Variants in GSTO2 observed in about 807,000 individuals in gnomAD.
The protein encoded by GSTO2 is glutathione S-transferase omega-2.
Under a neutral mutation model 28.4 loss-of-function variants are expected in GSTO2, and 23 were observed. That is an observed-to-expected ratio of 0.81 (90% CI 0.58 to 1.15). The LOEUF is 1.15. Among genes scored for constraint, GSTO2 ranks in the 50% most tolerant of loss-of-function variants. The probability of loss-of-function intolerance (pLI) is 0.00; values close to 1 mark genes in which losing one functional copy is unlikely to be tolerated. For missense variants in GSTO2, 298 were observed against 297.8 expected, an observed-to-expected ratio of 1.00 and a Z score of 0.00; for synonymous variants, 109 against 111.0, an observed-to-expected ratio of 0.98 and a Z score of 0.11.
At chr10:104,298,442 C>G (rs1162599568) in intron 6 of GSTO2, among the ~76,000 whole-genome samples, 1 of 152,232 alleles carries the variant, frequency 6.6e-6, no homozygotes, top group Admixed American at 6.5e-5. Context: ...GACTTCAGCT[C>G]TCTTTGTCAG....
At chr10:104,297,935 G>A (rs1270235400) in intron 6 of GSTO2, among the ~76,000 whole-genome samples, 1 of 152,124 alleles carries the variant, frequency 6.6e-6, no homozygotes, top group African/African-American at 2.4e-5. Context: ...TTCAGAGCCT[G>A]CTGTCCTCAC....
chr10:104,279,708 C>T (rs2011901675), intron 5 of GSTO2, among the ~76,000 whole-genome samples: 1 of 152,164 alleles, frequency 6.6e-6, no homozygotes, highest in Non-Finnish European at 1.5e-5. Flanking sequence ...CCCAGAGTCA[C>T]CCCATCTCCC....
intron 5 of GSTO2, among the ~76,000 whole-genome samples, chr10:104,284,786 C>T (rs2012314647): frequency 6.6e-6 from 1 of 152,198 alleles, no homozygotes; most frequent in Admixed American, 6.5e-5. Context: ...GTAGTCAAAT[C>T]AAGTCCAAGT....
rs1290256475 is a variant in GSTO2 at position 104,302,748 on chromosome 10, G to A, written c.*3464G>A. ...GTGCTGTTCTCATGATAGTGAGTGA[G>A]TTCTCATGAGTTCTGGTTGTTTAAA... On this transcript the variant is annotated 3_prime_UTR_variant, in exon 7 of 7. Transcript: ENST00000338595. 6.6e-6 allele frequency: 1 copy of A among 152,136 alleles called. No individual in the cohort carries two copies. Among genetic ancestry groups the A allele is most frequent in the Non-Finnish European group, 1.5e-5 (1 of 68,028 alleles). The allele number at this position is 152,136 out of a possible 1,614,324, so 9.4% of individuals were successfully genotyped here.
rs188916112 is a variant in GSTO2 at position 104,287,910 on chromosome 10, C to T, written c.468+8439C>T. ...CACTTTTTTTTTTTTTTTTTTGGGA[C>T]GGAGTCTCGCTCTGTCGCCCAGGCT... On this transcript the variant is annotated intron_variant, in intron 5 of 6. Transcript: ENST00000338595. Among the ~76,000 whole-genome samples, 1,168 of 120,946 alleles carry T rather than the reference C, an allele frequency of 9.7e-3. 73 individuals are homozygous for T. The highest frequency in any genetic ancestry group is 0.094 in the Admixed American group (1,055 of 11,258). The allele number at this position is 120,946 out of a possible 152,430, so 79.3% of individuals were successfully genotyped here.
At chr10:104,275,059 C>T in intron 2 of GSTO2, 110 bp downstream of exon 2, 2 of 1,490,614 alleles carry the variant, frequency 1.3e-6, no homozygotes, top group Non-Finnish European at 8.9e-7. Context: ...CAGGAAGGGA[C>T]TTGGAGGGCT....
At chr10:104,275,127 C>T (rs933225204) in intron 2 of GSTO2, 99 bp from the exon 3 acceptor site, 43 of 1,519,798 alleles carry the variant, frequency 2.8e-5, no homozygotes, top group Middle Eastern at 3.9e-4. Context: ...AGTTGGAGCT[C>T]CCACAGCCAT....
intron 1 of GSTO2, among the ~76,000 whole-genome samples, chr10:104,272,356 C>A (rs536416368): frequency 6.6e-6 from 1 of 152,180 alleles, no homozygotes; most frequent in East Asian, 1.9e-4. Flanking sequence ...ATAGTGGAGA[C>A]CAGATGGCCT....
chr10:104,282,992 GAGAA>G lies in GSTO2; in HGVS notation c.468+3527_468+3530del, dbSNP rs780885869. On this transcript the variant is annotated intron_variant, in intron 5 of 6. Transcript: ENST00000338595. ...TTTAAGAATCAATTTTCTCTTAAAA[GAGAA>G]AGAAAAAGAAAAAGCACGGATTTAT... Among the ~76,000 whole-genome samples, 19 of 152,146 alleles carry G rather than the reference GAGAA, an allele frequency of 1.2e-4. No homozygotes were observed. The East Asian group carries it at 2.1e-3, about 17-fold the overall frequency.
rs1232644257 is a variant in GSTO2 at position 104,277,956 on chromosome 10, T to C, written c.206T>C (p.Phe69Ser). 3 of 1,614,158 alleles carry C rather than the reference T, an allele frequency of 1.9e-6. No individual in the cohort carries two copies. The highest frequency in any genetic ancestry group is 2.2e-5 in the East Asian group (1 of 44,870). Residue 69 changes from phenylalanine (F) to serine (S), a missense_variant, in exon 4 of 7, where the codon TTT (phenylalanine) becomes TCT (serine). Physicochemically the swap from Phe to Ser is radical, Grantham distance 155. Transcript: ENST00000338595. ...GAATGGTACTATACAAAGCACCCTT[T>C]TGGCCACATTCCTGTCCTGGAGACC... ...KPEWYYTKHP[F>S]GHIPVLETSQ...
chr10:104,278,947 A>G (rs2011827736), intron 4 of GSTO2, among the ~76,000 whole-genome samples: 1 of 152,230 alleles, frequency 6.6e-6, no homozygotes, highest in African/African-American at 2.4e-5. Flanking sequence ...GCTGACATAT[A>G]TCGAACACTT....
At position 104,304,493 on chromosome 10, in the gene GSTO2, A is replaced by G. The variant is rs2013345503; in HGVS notation, c.*5209A>G. 1 of 152,200 alleles carries G rather than the reference A, an allele frequency of 6.6e-6. No homozygotes were observed. Among genetic ancestry groups the G allele is most frequent in the South Asian group, 2.1e-4 (1 of 4,836 alleles). 9.4% of individuals were successfully genotyped at this position (152,200 alleles called of 1,614,324 possible). On this transcript the variant is annotated 3_prime_UTR_variant, in exon 7 of 7. Coordinates refer to ENST00000338595, the MANE Select transcript of GSTO2 (RefSeq NM_183239.2). ...GGATCAAATTCCGACTTTGCAACTT[A>G]ACTTTCTTGAGTAAGTTGCTACACC...
intron 1 of GSTO2, among the ~76,000 whole-genome samples, chr10:104,273,668 A>C (rs1407205790): frequency 6.6e-6 from 1 of 152,252 alleles, no homozygotes; most frequent in Admixed American, 6.5e-5. Flanking sequence ...CTGGACTTAA[A>C]ATCCTTTCCT....
chr10:104,294,295 A>G (rs536273217), intron 5 of GSTO2, among the ~76,000 whole-genome samples: 3 of 152,258 alleles, frequency 2.0e-5, no homozygotes, highest in South Asian at 2.1e-4. Context: ...TCCCACTTAG[A>G]TGAGTTTCAG....
chr10:104,278,930 A>G (rs928201714), intron 4 of GSTO2, among the ~76,000 whole-genome samples: 2 of 152,242 alleles, frequency 1.3e-5, no homozygotes, highest in African/African-American at 4.8e-5. Context: ...CCTCAATGAT[A>G]TTAACAGCTG....
At chr10:104,277,291 C>T (rs2011687044) in intron 3 of GSTO2, among the ~76,000 whole-genome samples, 1 of 150,552 alleles carries the variant, frequency 6.6e-6, no homozygotes, top group South Asian at 2.1e-4. Context: ...CTTGGCTCTA[C>T]TACTTTTTTT....
At chr10:104,287,865 G>A (rs943657554) in intron 5 of GSTO2, among the ~76,000 whole-genome samples, 1 of 146,378 alleles carries the variant, frequency 6.8e-6, no homozygotes, top group Non-Finnish European at 1.5e-5. Flanking sequence ...AAATATGTAA[G>A]TTTTAAAAGT....
chr10:104,273,085 G>T (rs1454773021), intron 1 of GSTO2, among the ~76,000 whole-genome samples: 1 of 152,154 alleles, frequency 6.6e-6, no homozygotes, highest in African/African-American at 2.4e-5. Context: ...TATGAGGGAT[G>T]CATGTGTATG....
chr10:104,296,284 T>A (rs1042364795), intron 5 of GSTO2: 12 of 151,708 alleles, frequency 7.9e-5, no homozygotes, highest in Admixed American at 5.9e-4. Flanking sequence ...GGCCAACAAA[T>A]GTGAAGTTTG....
Sources: allele counts gnomAD v4.1 joint callset (sites outside exome capture counted in the v4.1 genomes callset), GRCh38; gene constraint gnomAD v4.1.1; transcripts MANE v1.5; gene names NCBI Gene and HGNC (gene_info 2026-07-23, HGNC 2026-07-21).